The following BLTP1 variants were observed in gnomAD, a reference collection of about 807,000 sequenced individuals.
The protein encoded by BLTP1 is fragile site-associated protein.
At chr4:122,186,537 T>A in the BLTP1 span, among the ~76,000 whole-genome samples, 13 of 152,058 alleles carry the variant, frequency 8.5e-5, no homozygotes, top group Admixed American at 8.5e-4. Flanking sequence ...TTAAGGTGCT[T>A]ATAAAATACA....
At chr4:122,281,927 GTAAA>G in the BLTP1 span, 16 of 978,312 alleles carry the variant, frequency 1.6e-5, no homozygotes, top group Non-Finnish European at 1.9e-5. Flanking sequence ...CTCTAGTCAA[GTAAA>G]AATATCAATC....
At chr4:122,246,080 G>T in the BLTP1 span, 1 of 1,442,606 alleles carries the variant, frequency 6.9e-7, no homozygotes, top group Admixed American at 2.5e-5. Context: ...GCGTGAATAA[G>T]TGAGTTGCTG....
At chr4:122,254,369 T>C in the BLTP1 span, 1 of 1,506,356 alleles carries the variant, frequency 6.6e-7, no homozygotes, top group South Asian at 1.1e-5. Context: ...TAAAATATAG[T>C]AGTATCGCTT....
At chr4:122,191,798 A>G in the BLTP1 span, among the ~76,000 whole-genome samples, 12 of 152,248 alleles carry the variant, frequency 7.9e-5, no homozygotes, top group African/African-American at 2.6e-4. Context: ...CTTCAGTAAC[A>G]GATTGAATGC....
chr4:122,186,198 C>A, the BLTP1 span: 11 of 1,611,264 alleles, frequency 6.8e-6, no homozygotes, highest in Admixed American at 1.7e-5. Flanking sequence ...ATTGGAAGAA[C>A]AAGAACCCAA....
At chr4:122,331,104 AT>A in the BLTP1 span, 1 of 962,790 alleles carries the variant, frequency 1.0e-6, no homozygotes, top group Non-Finnish European at 1.2e-6. Context: ...AAAAGTGGTG[AT>A]TATGTCTGTG....
the BLTP1 span, chr4:122,356,933 A>G: frequency 4.1e-6 from 4 of 984,942 alleles, no homozygotes; most frequent in Non-Finnish European, 4.8e-6. Context: ...CTATATATAC[A>G]GCACCAATGG....
At chr4:122,164,819 A>G in the BLTP1 span, among the ~76,000 whole-genome samples, 238 of 152,238 alleles carry the variant, frequency 1.6e-3, 1 homozygote, top group Middle Eastern at 0.014. Flanking sequence ...TTTTCCTAGA[A>G]ATGTAAAGCT....
the BLTP1 span, among the ~76,000 whole-genome samples, chr4:122,321,979 A>ATTTTTTTTTTTTTT: frequency 9.3e-4 from 25 of 27,012 alleles, 1 homozygote; most frequent in Middle Eastern, 0.022. Context: ...ACTACATGTA[A>ATTTTTTTTTTTTTT]TTTTTTTTTT....
At chr4:122,207,498 A>G in the BLTP1 span, 17 of 1,532,908 alleles carry the variant, frequency 1.1e-5, no homozygotes, top group Non-Finnish European at 1.4e-5. Flanking sequence ...CATTAAAAGT[A>G]AATTTACTTT....
At chr4:122,286,855 A>G in the BLTP1 span, 56 of 1,284,386 alleles carry the variant, frequency 4.4e-5, no homozygotes, top group Middle Eastern at 1.1e-3. Context: ...GTACCAAAAT[A>G]TGTAGTAATC....
At chr4:122,192,530 T>G in the BLTP1 span, 1 of 568,840 alleles carries the variant, frequency 1.8e-6, no homozygotes, top group South Asian at 3.6e-5. Flanking sequence ...AAAAACTTGC[T>G]TGTGGCTTCT....
the BLTP1 span, chr4:122,273,060 G>T: frequency 2.2e-5 from 5 of 228,110 alleles, no homozygotes; most frequent in Non-Finnish European, 3.6e-5. Context: ...CAATAAAGTT[G>T]CAGGGATTCT....
the BLTP1 span, among the ~76,000 whole-genome samples, chr4:122,157,799 ATAG>A: frequency 6.6e-6 from 1 of 152,198 alleles, no homozygotes; most frequent in African/African-American, 2.4e-5. Context: ...AATTTCAGTT[ATAG>A]TAATATTCTT....
At chr4:122,352,018 A>G in the BLTP1 span, among the ~76,000 whole-genome samples, 1 of 152,206 alleles carries the variant, frequency 6.6e-6, no homozygotes, top group Non-Finnish European at 1.5e-5. Context: ...TGTTATTAAA[A>G]TAAAGATTTT....
chr4:122,318,753 G>C, the BLTP1 span, among the ~76,000 whole-genome samples: 1 of 152,192 alleles, frequency 6.6e-6, no homozygotes, highest in Non-Finnish European at 1.5e-5. Flanking sequence ...ATTAGAGTTT[G>C]AGTCTAGGAG....
At chr4:122,175,812 G>C in the BLTP1 span, 1 of 1,374,620 alleles carries the variant, frequency 7.3e-7, no homozygotes, top group Middle Eastern at 1.8e-4. Context: ...TAAGTAAATT[G>C]TTACTTAAAT....
At chr4:122,321,979 A>ATTTTTTTTTTTT in the BLTP1 span, among the ~76,000 whole-genome samples, 7 of 27,014 alleles carry the variant, frequency 2.6e-4, no homozygotes, top group East Asian at 1.3e-3. Context: ...ACTACATGTA[A>ATTTTTTTTTTTT]TTTTTTTTTT....
At chr4:122,335,945 A>C in the BLTP1 span, 1 of 330,022 alleles carries the variant, frequency 3.0e-6, no homozygotes, top group Non-Finnish European at 5.5e-6. Context: ...CCAAAATATA[A>C]AGCTGAAAAA....
Sources: gnomAD v4.1 joint callset for allele counts (sites outside exome capture counted in the v4.1 genomes callset) on GRCh38, gnomAD v4.1.1 for gene constraint, MANE v1.5 for transcripts, NCBI Gene and HGNC (gene_info 2026-07-23, HGNC 2026-07-21) for gene names.